LINGO2: variants seen among roughly 807,000 people sequenced by gnomAD.
LINGO2 encodes the protein leucine rich repeat and Ig domain containing 2.
In LINGO2, 14 loss-of-function variants were observed where a neutral mutation model predicts 30.6. That is an observed-to-expected ratio of 0.46 (90% CI 0.30 to 0.72). LINGO2 has a LOEUF of 0.72. Among genes scored for constraint, LINGO2 ranks in the 30% least tolerant of loss-of-function variants. The pLI, the probability that LINGO2 is intolerant of heterozygous loss-of-function variation, is 0.07. For synonymous variants in LINGO2, 317 were observed against 288.5 expected (o/e 1.10, Z -1.00); for missense variants, 729 against 751.7 (o/e 0.97, Z 0.35).
chr9:28,110,142 G>T (rs997697554), intron 4 of LINGO2, among the ~76,000 whole-genome samples: 2 of 152,086 alleles, frequency 1.3e-5, no homozygotes, highest in South Asian at 4.1e-4. Context: ...CAAGCAATGG[G>T]GAAAAATTTC....
At chr9:28,634,412 T>C (rs139140697) in intron 1 of LINGO2, among the ~76,000 whole-genome samples, 9 of 152,016 alleles carry the variant, frequency 5.9e-5, no homozygotes, top group Non-Finnish European at 1.2e-4. Flanking sequence ...ATCCTTCCTT[T>C]ACGAAACAGA....
chr9:27,946,226 T>C (rs1823359565), downstream of LINGO2, among the ~76,000 whole-genome samples: 1 of 152,134 alleles, frequency 6.6e-6, no homozygotes, highest in Admixed American at 6.6e-5. Flanking sequence ...TTTATTAGGC[T>C]CATATAGATT....
At chr9:28,215,480 C>A (rs1472808180) in intron 4 of LINGO2, among the ~76,000 whole-genome samples, 1 of 151,674 alleles carries the variant, frequency 6.6e-6, no homozygotes, top group Non-Finnish European at 1.5e-5. Flanking sequence ...GAATTAGAAC[C>A]TTTATATTTT....
At chr9:28,055,656 G>A (rs921680661) in intron 4 of LINGO2, among the ~76,000 whole-genome samples, 4 of 152,052 alleles carry the variant, frequency 2.6e-5, no homozygotes, top group African/African-American at 9.7e-5. Flanking sequence ...AAGTTTGTTA[G>A]GTTTGCTAGA....
Position 28,143,638 on chromosome 9 carries a change from G to T in LINGO2, c.-86-131233C>A, listed in dbSNP as rs192974091. Among the ~76,000 whole-genome samples the T allele has an allele frequency of 2.9e-3, 446 of 152,126 alleles. 1 individual carries two copies. Among genetic ancestry groups the T allele is most frequent in the Non-Finnish European group, 4.3e-3 (289 of 67,956 alleles). On this transcript the variant is annotated intron_variant, in intron 4 of 5. Coordinates refer to ENST00000379992, the Ensembl canonical transcript of LINGO2. ...TGACTAAGAAGATGGTTTTCAGTTG[G>T]TTTTTGTGTATGAAACATAAACACC...
intron 4 of LINGO2, among the ~76,000 whole-genome samples, chr9:28,037,247 A>T (rs1290145800): frequency 3.3e-5 from 5 of 152,224 alleles, no homozygotes. Flanking sequence ...TATGCAACAA[A>T]CAGCAGCTGT....
chr9:28,228,795 A>C (rs1258657757), intron 4 of LINGO2, among the ~76,000 whole-genome samples: 1 of 151,646 alleles, frequency 6.6e-6, no homozygotes, highest in Non-Finnish European at 1.5e-5. Context: ...TAATAATTTA[A>C]TATTTTGGAA....
the LINGO2 span, among the ~76,000 whole-genome samples, chr9:28,993,705 G>C: frequency 6.6e-6 from 1 of 150,408 alleles, no homozygotes; most frequent in Non-Finnish European, 1.5e-5. Flanking sequence ...CGCAAGGCTG[G>C]TTCAATATAC....
At chr9:28,985,471 C>T in the LINGO2 span, among the ~76,000 whole-genome samples, 4 of 152,102 alleles carry the variant, frequency 2.6e-5, no homozygotes, top group African/African-American at 9.7e-5. Flanking sequence ...AACTAATTTA[C>T]ATTCCCACCA....
chr9:28,434,433 A>T (rs1346112448), intron 2 of LINGO2, among the ~76,000 whole-genome samples: 2 of 151,684 alleles, frequency 1.3e-5, no homozygotes, highest in Non-Finnish European at 2.9e-5. Flanking sequence ...TTAGTCAATC[A>T]TCTGAACCCT....
chr9:28,424,344 A>G (rs1043637468), intron 2 of LINGO2, among the ~76,000 whole-genome samples: 1 of 152,104 alleles, frequency 6.6e-6, no homozygotes, highest in African/African-American at 2.4e-5. Context: ...CACCATATGA[A>G]TAAGTCCAGG....
At chr9:27,959,089 C>CTTA in intron 5 of LINGO2, among the ~76,000 whole-genome samples, 1 of 152,104 alleles carries the variant, frequency 6.6e-6, no homozygotes, top group Non-Finnish European at 1.5e-5. Flanking sequence ...ATAAACTTCC[C>CTTA]TTATTATTCT....
At chr9:27,957,058 A>T (rs890629223) in intron 5 of LINGO2, among the ~76,000 whole-genome samples, 1 of 152,194 alleles carries the variant, frequency 6.6e-6, no homozygotes, top group Admixed American at 6.5e-5. Flanking sequence ...TTGACACTGC[A>T]CTCCAGTCTG....
chr9:28,549,687 C>T (rs1822170753), intron 1 of LINGO2, among the ~76,000 whole-genome samples: 1 of 151,798 alleles, frequency 6.6e-6, no homozygotes, highest in Non-Finnish European at 1.5e-5. Context: ...ATGATAGTCA[C>T]AGAATAGTTT....
the LINGO2 span, among the ~76,000 whole-genome samples, chr9:29,068,037 A>G: frequency 6.6e-6 from 1 of 151,886 alleles, no homozygotes; most frequent in African/African-American, 2.4e-5. Flanking sequence ...TGCATTCTGC[A>G]TCAAAATGAA....
At chr9:29,126,309 G>C in the LINGO2 span, among the ~76,000 whole-genome samples, 14 of 152,080 alleles carry the variant, frequency 9.2e-5, no homozygotes, top group Non-Finnish European at 1.9e-4. Flanking sequence ...GTGTGACCCT[G>C]AAAATGTCAC....
intron 4 of LINGO2, among the ~76,000 whole-genome samples, chr9:28,031,430 T>A (rs1823665676): frequency 6.6e-6 from 1 of 152,090 alleles, no homozygotes; most frequent in Non-Finnish European, 1.5e-5. Flanking sequence ...ATGTTTTGAC[T>A]TATGTTTACA....
the LINGO2 span, among the ~76,000 whole-genome samples, chr9:28,949,107 A>C: frequency 1.3e-5 from 2 of 152,118 alleles, no homozygotes; most frequent in East Asian, 3.9e-4. Context: ...AACCTAAAGC[A>C]GTGTTTAGAG....
chr9:28,575,949 C>CACACACAT (rs928523571), intron 1 of LINGO2, among the ~76,000 whole-genome samples: 1 of 151,780 alleles, frequency 6.6e-6, no homozygotes, highest in Non-Finnish European at 1.5e-5. Context: ...CACACACACA[C>CACACACAT]ACATACATAT....
Sources: allele counts gnomAD v4.1 joint callset (sites outside exome capture counted in the v4.1 genomes callset), GRCh38; gene constraint gnomAD v4.1.1; transcripts MANE v1.5; gene names NCBI Gene and HGNC (gene_info 2026-07-23, HGNC 2026-07-21).